The following LARGE1 variants were observed in gnomAD, a reference collection of about 807,000 sequenced individuals.
The protein encoded by LARGE1 is xylosyl- and glucuronyltransferase LARGE1.
LARGE1 carries 43 observed loss-of-function variants against 87.6 expected under a neutral mutation model. The observed-to-expected ratio is 0.49, with a 90% CI of 0.38 to 0.63. The LOEUF is 0.63. LARGE1 is among the 30% of genes least tolerant of loss of function. LARGE1 has a pLI of 0.00. For synonymous variants in LARGE1, 434 were observed against 394.6 expected (o/e 1.10, Z -1.18); for missense variants, 802 against 1,000.2 (o/e 0.80, Z 2.67).
the LARGE1 span, among the ~76,000 whole-genome samples, chr22:33,129,798 T>C: frequency 1.3e-5 from 2 of 152,022 alleles, no homozygotes; most frequent in African/African-American, 4.8e-5. Flanking sequence ...AACCGTCAGA[T>C]CTCATGAGAC....
chr22:33,859,630 C>T (rs985888119), intron 1 of LARGE1, among the ~76,000 whole-genome samples: 3 of 152,094 alleles, frequency 2.0e-5, no homozygotes, highest in African/African-American at 4.8e-5. Flanking sequence ...AAACAGAGAC[C>T]GGGGCTTAAA....
chr22:33,346,981 G>A (rs1343434999), intron 9 of LARGE1, among the ~76,000 whole-genome samples: 1 of 152,230 alleles, frequency 6.6e-6, no homozygotes, highest in Admixed American at 6.5e-5. Flanking sequence ...ATCGTAAACA[G>A]AGATGTGATG....
At chr22:33,231,103 T>C (rs1309369306) in intron 11 of LARGE1, among the ~76,000 whole-genome samples, 11 of 152,236 alleles carry the variant, frequency 7.2e-5, no homozygotes, top group Non-Finnish European at 1.6e-4. Flanking sequence ...TTGTTGACTG[T>C]TTTAATAAAC....
chr22:33,790,690 C>G (rs1329722666), intron 1 of LARGE1, among the ~76,000 whole-genome samples: 1 of 152,132 alleles, frequency 6.6e-6, no homozygotes, highest in East Asian at 1.9e-4. Context: ...CAGGCTATGC[C>G]TCTCCGGAAG....
intron 7 of LARGE1, among the ~76,000 whole-genome samples, chr22:33,420,638 A>G (rs2066658242): frequency 6.6e-6 from 1 of 152,210 alleles, no homozygotes. Context: ...TCTCCCCCAC[A>G]ATAACCAGTA....
intron 7 of LARGE1, among the ~76,000 whole-genome samples, chr22:33,393,903 T>C (rs2065622383): frequency 6.6e-6 from 1 of 152,208 alleles, no homozygotes; most frequent in Non-Finnish European, 1.5e-5. Context: ...GATTCTCTCA[T>C]GAACATCTGG....
intron 3 of LARGE1, among the ~76,000 whole-genome samples, chr22:33,637,501 T>C (rs2080302592): frequency 6.6e-6 from 1 of 152,152 alleles, no homozygotes; most frequent in Non-Finnish European, 1.5e-5. Context: ...TAGCCTCTCC[T>C]ATACTGTGTC....
At chr22:33,100,075 C>T in the LARGE1 span, among the ~76,000 whole-genome samples, 1 of 152,066 alleles carries the variant, frequency 6.6e-6, no homozygotes, top group African/African-American at 2.4e-5. Flanking sequence ...GTGGCTTATG[C>T]CTGTAATCCC....
At chr22:33,413,631 A>C (rs1363929485) in intron 7 of LARGE1, among the ~76,000 whole-genome samples, 1 of 151,656 alleles carries the variant, frequency 6.6e-6, no homozygotes, top group South Asian at 2.1e-4. Flanking sequence ...TGCCCGGCTA[A>C]TTTTTTTGTA....
chr22:33,755,896 A>G (rs1349077640), intron 2 of LARGE1, among the ~76,000 whole-genome samples: 3 of 152,216 alleles, frequency 2.0e-5, no homozygotes, highest in African/African-American at 7.2e-5. Flanking sequence ...AACAAGCAAA[A>G]TATCTCTTGA....
chr22:33,885,778 C>T (rs1389426487), intron 1 of LARGE1, among the ~76,000 whole-genome samples: 1 of 152,152 alleles, frequency 6.6e-6, no homozygotes, highest in Admixed American at 6.5e-5. Context: ...CACCTGTAAT[C>T]CTAACACTTT....
chr22:33,572,822 A>T (rs1187784446), intron 5 of LARGE1, among the ~76,000 whole-genome samples: 1 of 152,146 alleles, frequency 6.6e-6, no homozygotes, highest in African/African-American at 2.4e-5. Context: ...GTGAGCCAAG[A>T]TCGTGCCACT....
intron 2 of LARGE1, among the ~76,000 whole-genome samples, chr22:33,704,621 T>TA (rs754960302): frequency 6.6e-6 from 1 of 152,192 alleles, no homozygotes; most frequent in Non-Finnish European, 1.5e-5. Flanking sequence ...ATAATCCACC[T>TA]ACACATGGTC....
At chr22:33,857,405 G>C (rs1002048) in intron 1 of LARGE1, among the ~76,000 whole-genome samples, 2 of 152,116 alleles carry the variant, frequency 1.3e-5, no homozygotes, top group Non-Finnish European at 2.9e-5. Flanking sequence ...CCACTGGACA[G>C]GCAACGGCAA....
At chr22:33,657,313 A>G (rs752841863) in intron 2 of LARGE1, 1 of 152,202 alleles carries the variant, frequency 6.6e-6, no homozygotes, top group Admixed American at 6.5e-5. Context: ...ATCTGTCACT[A>G]AAGCCTGCCA....
At chr22:33,493,756 G>T (rs567798286) in intron 6 of LARGE1, among the ~76,000 whole-genome samples, 1 of 152,256 alleles carries the variant, frequency 6.6e-6, no homozygotes, top group South Asian at 2.1e-4. Context: ...CAGCCACACA[G>T]CTGCACTCAA....
intron 11 of LARGE1, among the ~76,000 whole-genome samples, chr22:33,217,517 G>T (rs374359177): frequency 5.3e-5 from 8 of 152,258 alleles, no homozygotes; most frequent in Admixed American, 1.3e-4. Flanking sequence ...ACATTCATAT[G>T]ACACCATTAT....
intron 6 of LARGE1, among the ~76,000 whole-genome samples, chr22:33,500,304 C>G (rs2070366731): frequency 6.6e-6 from 1 of 152,106 alleles, no homozygotes. Context: ...CTCAAAAGAC[C>G]ATTCAATTTA....
At chr22:33,536,019 GCATGGTCACTTAAAACA>G (rs1219635327) in intron 6 of LARGE1, among the ~76,000 whole-genome samples, 2 of 152,110 alleles carry the variant, frequency 1.3e-5, no homozygotes, top group Non-Finnish European at 2.9e-5. Context: ...AAAAAAGTCC[GCATGGTCACTTAAAACA>G]CATGTGCAAG....
Sources: gnomAD v4.1 joint callset for allele counts (sites outside exome capture counted in the v4.1 genomes callset) on GRCh38, gnomAD v4.1.1 for gene constraint, MANE v1.5 for transcripts, NCBI Gene and HGNC (gene_info 2026-07-23, HGNC 2026-07-21) for gene names.